The following EP400 variants were observed in gnomAD, a reference collection of about 807,000 sequenced individuals.
EP400 encodes E1A binding protein p400.
EP400 carries 105 observed loss-of-function variants against 354.1 expected under a neutral mutation model. That is an observed-to-expected ratio of 0.30 (90% CI 0.25 to 0.35). The LOEUF (loss-of-function observed/expected upper bound fraction) is 0.35. EP400 is among the 10% of genes least tolerant of loss of function. The pLI, the probability that EP400 is intolerant of heterozygous loss-of-function variation, is 1.00. For synonymous variants in EP400, 1,646 were observed against 1,716.9 expected, an observed-to-expected ratio of 0.96 and a Z score of 1.02; for missense variants, 3,280 against 4,121.0, an observed-to-expected ratio of 0.80 and a Z score of 5.59.
At chr12:132,055,465 TGTGTGTGTGAGGTGTAGGG>T (rs1310447876) in intron 45 of EP400, among the ~76,000 whole-genome samples, 6 of 144,312 alleles carry the variant, frequency 4.2e-5, no homozygotes, top group African/African-American at 1.0e-4. Context: ...GGTGTGTGTG[TGTGTGTGTGAGGTGTAGGG>T]GTGTGTGTGA....
In EP400 at chr12:132,006,883, A is replaced by G; in HGVS notation, c.3304+6A>G. Reference sequence around the variant, plus strand: ...CCACCTAGCTTGTAACGAAGGTAAGAGTTTGCTAGTTTTTTTAACAATACC... The same window carrying G: ...CCACCTAGCTTGTAACGAAGGTAAGGGTTTGCTAGTTTTTTTAACAATACC... On this transcript the variant is annotated splice_donor_region_variant and intron_variant, in intron 15 of 52. Transcript: ENST00000389561. 2 of 1,613,666 alleles carry G rather than the reference A, an allele frequency of 1.2e-6. No homozygotes were observed. The highest frequency in any genetic ancestry group is 8.5e-7 in the Non-Finnish European group (1 of 1,179,896).
Position 132,006,191 on chromosome 12 carries a change from C to T in EP400, c.3015C>T (p.Phe1005=), listed in dbSNP as rs376435903. 6.2e-7 allele frequency: 1 copy of T among 1,614,146 alleles called. No homozygotes were observed. Among genetic ancestry groups the T allele is most frequent in the Non-Finnish European group, 8.5e-7 (1 of 1,180,046 alleles). Residue 1005 remains phenylalanine, a synonymous_variant, in exon 14 of 53, where the codon TTC becomes TTT. Transcript: ENST00000389561. ...LIDSLFIMDQ[F]KAAERMNIGK... ...ACTCGCTTTTCATCATGGATCAGTT[C>T]AAAGCTGCCGAGAGGATGAATATCG...
At chr12:131,992,038 C>T (rs1429414757) in intron 10 of EP400, 135 bp from the exon 11 acceptor site, 1 of 865,176 alleles carries the variant, frequency 1.2e-6, no homozygotes, top group Middle Eastern at 2.4e-4. Context: ...TGCCCCGACC[C>T]CAAATGGAGG....
intron 15 of EP400, among the ~76,000 whole-genome samples, chr12:132,007,916 G>A (rs1893636926): frequency 6.6e-6 from 1 of 151,128 alleles, no homozygotes; most frequent in South Asian, 2.1e-4. Flanking sequence ...AGGAGAGAGA[G>A]GCAGGGCTGA....
At chr12:132,032,410 A>C (rs1416032906) in intron 30 of EP400, among the ~76,000 whole-genome samples, 3 of 152,114 alleles carry the variant, frequency 2.0e-5, no homozygotes, top group African/African-American at 7.2e-5. Flanking sequence ...TATACTCAAC[A>C]TTTGCTTGAA....
intron 51 of EP400, among the ~76,000 whole-genome samples, chr12:132,072,718 C>T (rs1018364984): frequency 6.6e-6 from 1 of 152,214 alleles, no homozygotes; most frequent in African/African-American, 2.4e-5. Context: ...CTGCCAATCA[C>T]TTGTGTTACT....
In EP400 at chr12:132,045,318, G is replaced by A. The variant is rs1895055439; in HGVS notation, c.6785-1G>A. 6.2e-7 allele frequency: 1 copy of A among 1,614,012 alleles called. No individual in the cohort carries two copies. Among genetic ancestry groups the A allele is most frequent in the African/African-American group, 1.3e-5 (1 of 74,946 alleles). ...TTGCTGAAGACTGCCTCTCTGTTCA[G>A]CTGCAGGCAGGAAGAAGAAGCAGCG... is the stretch of plus-strand genomic sequence containing the variant. On this transcript the variant is annotated splice_acceptor_variant, in intron 37 of 52. Coordinates refer to ENST00000389561, the MANE Select transcript of EP400 (RefSeq NM_015409.5). LOFTEE classifies it high-confidence loss of function.
intron 19 of EP400, among the ~76,000 whole-genome samples, chr12:132,014,922 C>G (rs1030864955): frequency 2.0e-5 from 3 of 152,220 alleles, no homozygotes; most frequent in African/African-American, 7.2e-5. Context: ...CACCCCACCC[C>G]CCGTCCTGGG....
intron 45 of EP400, among the ~76,000 whole-genome samples, chr12:132,058,979 ATGAGT>A (rs944375760): frequency 7.2e-5 from 11 of 152,200 alleles, no homozygotes; most frequent in African/African-American, 2.4e-4. Context: ...TGGTAACAAG[ATGAGT>A]TAAGTTATTT....
chr12:131,960,643 G>A lies in EP400; in HGVS notation c.24G>A (p.Gln8=), dbSNP rs1891846972. 1 of 1,591,370 alleles carries A rather than the reference G, an allele frequency of 6.3e-7. No homozygotes were observed. The highest frequency in any genetic ancestry group is 1.1e-5 in the South Asian group (1 of 87,278). Residue 8 remains glutamine, a synonymous_variant, in exon 2 of 53, where the codon CAG becomes CAA. Transcript: ENST00000389561. MHHGTGP[Q]NVQHQLQRSR... is the part of the protein sequence containing the mutation. ...TCATGCACCATGGCACTGGCCCCCA[G>A]AACGTCCAGCATCAGCTGCAGAGGT... is the stretch of plus-strand genomic sequence containing the variant.
chr12:132,075,531 C>G lies in EP400; in HGVS notation c.9022-985C>G, dbSNP rs1423790306. On this transcript the variant is annotated intron_variant, in intron 51 of 52. Transcript: ENST00000389561. This position sits in a 1 kb window ranked among gnomAD's most constrained non-coding sequence, Gnocchi z 4.5. ...GGTCTTGAGATGGGCCCTGGAGCACCGGCTGCATCTTTGTTTCCCAGCAGT... is the reference window on the plus strand; with the variant it reads ...GGTCTTGAGATGGGCCCTGGAGCACGGGCTGCATCTTTGTTTCCCAGCAGT... Among the ~76,000 whole-genome samples, 2 of 152,134 alleles carry G rather than the reference C, an allele frequency of 1.3e-5. No homozygotes were observed. Among genetic ancestry groups the G allele is most frequent in the Admixed American group, 6.5e-5 (1 of 15,274 alleles).
At chr12:131,966,515 A>G (rs1302144437) in intron 2 of EP400, among the ~76,000 whole-genome samples, 1 of 146,532 alleles carries the variant, frequency 6.8e-6, no homozygotes, top group East Asian at 2.0e-4. Context: ...ATGAGCTGAG[A>G]CAGCGCCACT....
rs560663690 is a variant in EP400 at position 132,063,341 on chromosome 12, C to T, written c.8334+640C>T. Among the ~76,000 whole-genome samples, 15 of 152,238 alleles carry T rather than the reference C, an allele frequency of 9.9e-5. No homozygotes were observed. The East Asian group carries it at 2.1e-3, about 22-fold the overall frequency. ...CAGCCTGGTCAACATGGCAAATCCC[C>T]GTCTCTACTAGAAATACAAAAATTA... is the stretch of plus-strand genomic sequence containing the variant. On this transcript the variant is annotated intron_variant, in intron 47 of 52. Transcript: ENST00000389561.
intron 7 of EP400, 110 bp from the exon 8 acceptor site, chr12:131,989,854 G>A: frequency 7.8e-7 from 1 of 1,285,306 alleles, no homozygotes; most frequent in African/African-American, 1.5e-5. Context: ...GTATATGACA[G>A]TGAATTGTAT....
At position 132,028,138 on chromosome 12, in the gene EP400, A is replaced by G. The variant is rs1894369259; in HGVS notation, c.5231A>G (p.His1744Arg). The change falls in exon 27 of 53, where the codon CAT (histidine) becomes CGT (arginine). Residue 1744 changes from histidine (H) to arginine (R), a missense_variant. His to Arg is a conservative substitution (Grantham distance 29, BLOSUM62 0). This residue lies in a region of EP400 where 459 missense variants were observed against 496.9 expected (regional missense o/e 0.92). Coordinates refer to ENST00000389561, the MANE Select transcript of EP400 (RefSeq NM_015409.5). ...DLLRICALPS[H>R]GRVQWRGSLD... is the part of the protein sequence containing the mutation. ...CTAAGGATTTGTGCCCTGCCTAGCC[A>G]TGGAAGGGTACAGTGGCGTGGGTCC... The G allele has an allele frequency of 6.2e-7, 1 of 1,614,198 alleles. No individual in the cohort carries two copies. The highest frequency in any genetic ancestry group is 2.2e-5 in the East Asian group (1 of 44,880).
Position 132,018,242 on chromosome 12 carries a change from C to T in EP400, c.4143C>T (p.Gly1381=). The T allele has an allele frequency of 3.7e-6, 6 of 1,613,362 alleles. No individual in the cohort carries two copies. Among genetic ancestry groups the T allele is most frequent in the Non-Finnish European group, 5.1e-6 (6 of 1,179,804 alleles). ...EADLSMFDLI[G]LENKITRHEA... ...ATCTTTCTATGTTTGATCTCATCGG[C>T]TTAGAAAATAAAATCACTCGTCACG... Residue 1381 remains glycine, a synonymous_variant, in exon 21 of 53, where the codon GGC becomes GGT. Transcript: ENST00000389561. The surrounding 1 kb of genome is among the most constrained non-coding windows in gnomAD (Gnocchi z 4.0).
At chr12:131,966,562 CAA>C (rs534384776) in intron 2 of EP400, among the ~76,000 whole-genome samples, 65 of 57,516 alleles carry the variant, frequency 1.1e-3, no homozygotes, top group African/African-American at 2.8e-3. Flanking sequence ...TACCCTACCT[CAA>C]AAAAAAAAAA....
At chr12:132,076,413 A>AT in intron 51 of EP400, 103 bp from the exon 52 acceptor site, 1 of 1,132,194 alleles carries the variant, frequency 8.8e-7, no homozygotes, top group Non-Finnish European at 1.3e-6. Flanking sequence ...TCACCTGGTC[A>AT]TTGTGTTTTT....
chr12:131,989,728 A>C (rs1425142788), intron 7 of EP400, among the ~76,000 whole-genome samples: 4 of 152,220 alleles, frequency 2.6e-5, no homozygotes, highest in Admixed American at 1.3e-4. Flanking sequence ...GAGGAAAATA[A>C]TGTGTATTTG....
Sources: allele counts gnomAD v4.1 joint callset (sites outside exome capture counted in the v4.1 genomes callset), GRCh38; gene constraint gnomAD v4.1.1; regional missense constraint gnomAD v4.1.1; non-coding constraint Gnocchi (gnomAD v3.1); transcripts MANE v1.5; gene names NCBI Gene and HGNC (gene_info 2026-07-23, HGNC 2026-07-21).